Variants in SCML1 observed in about 807,000 individuals in gnomAD.
SCML1 encodes the protein Scm polycomb group protein like 1, also known as sex comb on midleg-like protein 1.
For missense variants in SCML1, 137 were observed against 258.1 expected, an observed-to-expected ratio of 0.53 and a Z score of 3.22; for synonymous variants, 104 against 103.6, an observed-to-expected ratio of 1.00 and a Z score of -0.02.
At chrX:17,740,605 G>T (rs1422165798) in intron 1 of SCML1, among the ~76,000 whole-genome samples, 1 of 112,010 alleles carries the variant, frequency 8.9e-6, no homozygotes, top group Non-Finnish European at 1.9e-5. Context: ...ACAAGCCTAA[G>T]GTCTTAATGC....
intron 1 of SCML1, among the ~76,000 whole-genome samples, chrX:17,739,765 C>G (rs2066575291): frequency 1.0e-5 from 1 of 100,465 alleles, no homozygotes; most frequent in African/African-American, 3.9e-5. Flanking sequence ...AGGAGAATTG[C>G]TTTAACCCGG....
At chrX:17,739,798 G>A (rs57677019) in intron 1 of SCML1, among the ~76,000 whole-genome samples, 12,152 of 95,583 alleles carry the variant, frequency 0.13, 1,537 homozygotes, top group African/African-American at 0.35. Flanking sequence ...GCAGTAAGCC[G>A]AGATCATGCC....
intron 1 of SCML1, among the ~76,000 whole-genome samples, chrX:17,741,703 C>G (rs939459865): frequency 9.0e-6 from 1 of 111,268 alleles, no homozygotes; most frequent in Non-Finnish European, 1.9e-5. Context: ...CAGCCTGAAG[C>G]TATGCTTTTT....
intron 7 of SCML1, 117 bp downstream of exon 7, chrX:17,752,083 T>C: frequency 1.3e-6 from 1 of 799,810 alleles, no homozygotes; most frequent in Non-Finnish European, 1.8e-6. Context: ...GATTTTTCCA[T>C]ATATGAGAAA....
rs768300603 is a variant in SCML1 at position 17,750,027 on chromosome X, G to T, written c.437G>T (p.Arg146Leu). 5.0e-6 allele frequency: 6 copies of T among 1,210,119 alleles called. No individual in the cohort carries two copies. In the African/African-American group the frequency reaches 5.2e-5, roughly 11 times the overall value. Residue 146 changes from arginine (R) to leucine (L), a missense_variant, in exon 6 of 8, where the codon CGT becomes CTT. Transcript: ENST00000380041. ...SYSPTLPVSR[R>L]ENNSPSNLPR... The stretch of plus-strand genomic sequence containing the variant: ...AGCCCCACTTTACCAGTGTCAAGGC[G>T]TGAGAATAATTCCCCGAGCAACCTT...
intron 1 of SCML1, among the ~76,000 whole-genome samples, chrX:17,743,631 G>A (rs2147167418): frequency 8.9e-6 from 1 of 111,846 alleles, no homozygotes; most frequent in South Asian, 3.8e-4. Context: ...CCTGGTGGAT[G>A]AGGAGGTGGT....
rs184140147 is a variant in SCML1, at chrX:17,746,051, A to G, written c.151A>G (p.Thr51Ala). The change falls in exon 4 of 8, where the codon ACT becomes GCT. Residue 51 changes from threonine (T) to alanine (A), a missense_variant. Coordinates refer to ENST00000380041, the MANE Select transcript of SCML1 (RefSeq NM_001037540.3). ...TATTGTATCTGACGCATCCTGTAAT[A>G]CTGAAGAGCAACTGAAGACAGTTGA... ...PNIVSDASCN[T>A]EEQLKTVDDV... The G allele has an allele frequency of 3.0e-5, 36 of 1,188,264 alleles. No homozygotes were observed. Among genetic ancestry groups the G allele is most frequent in the Non-Finnish European group, 4.0e-5 (35 of 878,137 alleles).
Position 17,749,497 on chromosome X carries a change from C to T in SCML1, c.296C>T (p.Thr99Ile), listed in dbSNP as rs2066682841. ...CGTTTCCATGCGAGATCCCTGTGGA[C>T]AAATCATGTAAGTGTTATAAAAAAC... ...IQRFHARSLW[T>I]NHKRYGYKKH... Residue 99 changes from threonine to isoleucine, a missense_variant, in exon 5 of 8, where the codon ACA becomes ATA. Transcript: ENST00000380041. 2 of 1,138,432 alleles carry T rather than the reference C, an allele frequency of 1.8e-6. No individual in the cohort carries two copies. Among genetic ancestry groups the T allele is most frequent in the Non-Finnish European group, 2.4e-6 (2 of 837,822 alleles). The allele number at this position is 1,138,432 out of a possible 1,213,427, so 93.8% of individuals were successfully genotyped here. A position where few individuals can be genotyped will look rare whatever the true frequency, so the allele number is the denominator to read the frequency against.
chrX:17,750,758 C>A, intron 6 of SCML1, among the ~76,000 whole-genome samples: 1 of 112,525 alleles, frequency 8.9e-6, no homozygotes, highest in Non-Finnish European at 1.9e-5. Flanking sequence ...ATAAAAAACA[C>A]TCCTGATATG....
chrX:17,740,378 T>C (rs188622165), intron 1 of SCML1, among the ~76,000 whole-genome samples: 2 of 111,809 alleles, frequency 1.8e-5, no homozygotes, highest in East Asian at 5.6e-4. Flanking sequence ...TTCTGTTGGA[T>C]AGATGCGGTC....
At chrX:17,749,273 T>G in intron 4 of SCML1, 127 bp from the exon 5 acceptor site, 9 of 424,603 alleles carry the variant, frequency 2.1e-5, no homozygotes, top group Middle Eastern at 7.0e-4. Flanking sequence ...TCTGATGGCT[T>G]GAGAACTTTT....
rs1387919511 is a variant in SCML1, at chrX:17,754,712, T to C, written c.*1320T>C. 4 of 113,047 alleles carry C rather than the reference T, an allele frequency of 3.5e-5. No individual in the cohort carries two copies. Among genetic ancestry groups the C allele is most frequent in the South Asian group, 7.2e-4 (2 of 2,766 alleles). The allele number at this position is 113,047 out of a possible 1,213,427, so 9.3% of individuals were successfully genotyped here. A position where few individuals can be genotyped will look rare whatever the true frequency, so the allele number is the denominator to read the frequency against. On this transcript the variant is annotated 3_prime_UTR_variant, in exon 8 of 8. Coordinates refer to ENST00000380041, the MANE Select transcript of SCML1 (RefSeq NM_001037540.3). ...TGCTATCACCATTAGCTATTTGCTG[T>C]AATGTCAAGAAAATGTTCACCAGAT...
rs1195231506 is a variant in SCML1 at position 17,739,868 on chromosome X, AAAG to A, written c.-117+2191_-117+2193del. ...TGTCTCAAAAAAAAAAAAAAAAAAA[AAAG>A]AAATTTAGATTTCTGTGGTAAATAT... On this transcript the variant is annotated intron_variant, in intron 1 of 7. Coordinates refer to ENST00000380041, the MANE Select transcript of SCML1 (RefSeq NM_001037540.3). 2.5e-3 allele frequency among the ~76,000 whole-genome samples: 240 copies of A among 95,343 alleles called. 3 individuals carry two copies. Among genetic ancestry groups the A allele is most frequent in the East Asian group, 0.021 (40 of 1,922 alleles). 82.8% of individuals were successfully genotyped at this position (95,343 alleles called of 115,157 possible).
At chrX:17,752,516 CCAAA>C (rs1392548947) in intron 7 of SCML1, among the ~76,000 whole-genome samples, 1 of 112,038 alleles carries the variant, frequency 8.9e-6, no homozygotes, top group Non-Finnish European at 1.9e-5. Context: ...ATAGAAGGTG[CCAAA>C]CAAAGGTTGT....
intron 1 of SCML1, among the ~76,000 whole-genome samples, chrX:17,739,136 T>C (rs1167572939): frequency 8.9e-6 from 1 of 111,954 alleles, no homozygotes; most frequent in Non-Finnish European, 1.9e-5. Flanking sequence ...ATTTATCTTA[T>C]GGAAAGAAGT....
In SCML1 at chrX:17,737,697, T is replaced by A. The variant is rs2066550392; in HGVS notation, c.-117+17T>A. The stretch of plus-strand genomic sequence containing the variant: ...CTAAAATAGGTCTGTCCAGTCGTAC[T>A]TTTTCCTCACCTTGAACTTTCCGTC... On this transcript the variant is annotated intron_variant, in intron 1 of 7. Coordinates refer to ENST00000380041, the MANE Select transcript of SCML1 (RefSeq NM_001037540.3). 1 of 111,152 alleles carries A rather than the reference T, an allele frequency of 9.0e-6. No individual in the cohort carries two copies. The highest frequency in any genetic ancestry group is 3.3e-5 in the African/African-American group (1 of 30,564). The allele number at this position is 111,152 out of a possible 1,213,427, so 9.2% of individuals were successfully genotyped here. A position where few individuals can be genotyped will look rare whatever the true frequency, so the allele number is the denominator to read the frequency against.
chrX:17,745,703 T>C, intron 3 of SCML1, 164 bp downstream of exon 3: 1 of 397,191 alleles, frequency 2.5e-6, no homozygotes, highest in East Asian at 4.2e-5. Context: ...ACTTAACCAA[T>C]TTACTTTCCC....
upstream of SCML1, chrX:17,737,480 A>G (rs1434087085): frequency 2.5e-5 from 2 of 80,602 alleles, no homozygotes; most frequent in Non-Finnish European, 4.4e-5. Flanking sequence ...GCGTCGCGGG[A>G]GCTCTCTGAT....
rs774954716 is a variant in SCML1 at position 17,753,334 on chromosome X, C to T, written c.932C>T (p.Ala311Val). Residue 311 changes from alanine to valine, a missense_variant, in exon 8 of 8, where the codon GCT (alanine) becomes GTT (valine). By Grantham distance (64) the Ala-to-Val change is moderately conservative. Transcript: ENST00000380041. ...CACTTGGGGGTGAAGCTGGGAACGGCTGTGAAGCTATGCTACTACATTGAC... is the reference window on the plus strand; with the variant it reads ...CACTTGGGGGTGAAGCTGGGAACGGTTGTGAAGCTATGCTACTACATTGAC... Reference protein sequence around the residue: ...LKHLGVKLGTAVKLCYYIDRL... With the variant: ...LKHLGVKLGTVVKLCYYIDRL... 8.5e-7 allele frequency: 1 copy of T among 1,180,504 alleles called. No individual in the cohort carries two copies. Among genetic ancestry groups the T allele is most frequent in the African/African-American group, 1.7e-5 (1 of 57,144 alleles).
Sources: gnomAD v4.1 joint callset for allele counts (sites outside exome capture counted in the v4.1 genomes callset) on GRCh38, gnomAD v4.1.1 for gene constraint, MANE v1.5 for transcripts, NCBI Gene and HGNC (gene_info 2026-07-23, HGNC 2026-07-21) for gene names.